The following PLCL2 variants were observed in gnomAD, a reference collection of about 807,000 sequenced individuals.
PLCL2 encodes the protein inactive phospholipase C-like protein 2.
PLCL2 carries 4 observed loss-of-function variants against 79.6 expected under a neutral mutation model. The ratio of observed to expected loss-of-function variants is 0.05; its 90% confidence interval spans 0.02 to 0.11. The LOEUF is 0.11. Among genes scored for constraint, PLCL2 ranks in the 10% least tolerant of loss-of-function variants. The pLI is 1.00. For synonymous variants in PLCL2, 484 were observed against 457.7 expected (o/e 1.06, Z -0.73); for missense variants, 895 against 1,291.0 (o/e 0.69, Z 4.70).
Position 17,010,350 on chromosome 3 carries a change from T to A in PLCL2, c.1004T>A (p.Phe335Tyr). 1 of 1,614,110 alleles carries A rather than the reference T, an allele frequency of 6.2e-7. No individual in the cohort carries two copies. The highest frequency in any genetic ancestry group is 8.5e-7 in the Non-Finnish European group (1 of 1,180,022). Residue 335 changes from phenylalanine to tyrosine, a missense_variant, in exon 2 of 6, where the codon TTT (phenylalanine) becomes TAT (tyrosine). By Grantham distance (22) the Phe-to-Tyr change is conservative. This residue lies in a region of PLCL2 where 93 missense variants were observed against 93.2 expected (regional missense o/e 1.00). Coordinates refer to ENST00000615277, the MANE Select transcript of PLCL2 (RefSeq NM_001144382.2). The surrounding 1 kb of genome is among the most constrained non-coding windows in gnomAD (Gnocchi z 5.8). ...ACAAAGGAAGAATTTATTGAGGTTT[T>A]TCATGAGCTTTGTACTAGACCTGAA... is the stretch of plus-strand genomic sequence containing the variant. ...EVTKEEFIEV[F>Y]HELCTRPEIY...
At chr3:16,897,715 A>G (rs1166178003) in intron 1 of PLCL2, among the ~76,000 whole-genome samples, 1 of 152,214 alleles carries the variant, frequency 6.6e-6, no homozygotes, top group African/African-American at 2.4e-5. Flanking sequence ...GTGGGCTGAC[A>G]TCTGGGTTGG....
chr3:16,899,466 C>T (rs1326044473), intron 1 of PLCL2, among the ~76,000 whole-genome samples: 1 of 152,154 alleles, frequency 6.6e-6, no homozygotes, highest in African/African-American at 2.4e-5. Context: ...GAGACCTGGA[C>T]ACTAGTTGGG....
intron 1 of PLCL2, among the ~76,000 whole-genome samples, chr3:16,910,255 G>T (rs537738916): frequency 1.3e-5 from 2 of 152,100 alleles, no homozygotes; most frequent in East Asian, 3.9e-4. Context: ...TCAATTCCTT[G>T]CTCCTGTTTT....
At chr3:16,912,937 T>TC (rs1235848505) in intron 1 of PLCL2, among the ~76,000 whole-genome samples, 1 of 152,162 alleles carries the variant, frequency 6.6e-6, no homozygotes, top group Non-Finnish European at 1.5e-5. Flanking sequence ...GGCTCCTGTC[T>TC]CCAACACATG....
At chr3:16,945,681 C>T (rs1306831203) in intron 1 of PLCL2, among the ~76,000 whole-genome samples, 2 of 152,156 alleles carry the variant, frequency 1.3e-5, no homozygotes, top group African/African-American at 4.8e-5. Context: ...CAGTGGCATA[C>T]TCTATATAGG....
At chr3:16,898,311 T>C (rs946571774) in intron 1 of PLCL2, among the ~76,000 whole-genome samples, 1 of 152,174 alleles carries the variant, frequency 6.6e-6, no homozygotes, top group Admixed American at 6.5e-5. Context: ...AGCCTTTTTT[T>C]TTTGGAACAT....
chr3:16,966,006 T>G (rs1348052188), intron 1 of PLCL2, among the ~76,000 whole-genome samples: 7 of 152,162 alleles, frequency 4.6e-5, no homozygotes, highest in South Asian at 2.1e-4. Context: ...GAATACCCTT[T>G]ATTTCTTTCT....
chr3:16,924,497 A>T (rs549080162), intron 1 of PLCL2, among the ~76,000 whole-genome samples: 1 of 152,184 alleles, frequency 6.6e-6, no homozygotes, highest in African/African-American at 2.4e-5. Flanking sequence ...TTAATACTGA[A>T]CCAGCAGTTT....
Position 17,012,173 on chromosome 3 carries a change from G to A in PLCL2, c.2814+13G>A. On this transcript the variant is annotated intron_variant, in intron 2 of 5. Transcript: ENST00000615277. ...AGAAAACATGCAGGTGCGTGCTTGT[G>A]TTTAATCATTTACTCAATGGTTTTC... 3 of 1,593,604 alleles carry A rather than the reference G, an allele frequency of 1.9e-6. No homozygotes were observed. Among genetic ancestry groups the A allele is most frequent in the Non-Finnish European group, 2.6e-6 (3 of 1,168,768 alleles).
At chr3:16,911,054 A>C (rs1346947308) in intron 1 of PLCL2, among the ~76,000 whole-genome samples, 1 of 152,130 alleles carries the variant, frequency 6.6e-6, no homozygotes, top group Non-Finnish European at 1.5e-5. Flanking sequence ...GGAGTTCGAG[A>C]CCAACCTGGC....
intron 1 of PLCL2, among the ~76,000 whole-genome samples, chr3:16,937,726 T>C (rs904022154): frequency 6.6e-6 from 1 of 152,226 alleles, no homozygotes; most frequent in Non-Finnish European, 1.5e-5. Flanking sequence ...GACTAGAAAT[T>C]AGTGGTGTGT....
intron 4 of PLCL2, among the ~76,000 whole-genome samples, chr3:17,059,450 G>GTGTCTATATATATATACACT (rs149375146): frequency 6.8e-6 from 1 of 147,146 alleles, no homozygotes; most frequent in African/African-American, 2.5e-5. Flanking sequence ...ATGTGTGTGT[G>GTGTCTATATATATATACACT]TGTATATATA....
intron 4 of PLCL2, among the ~76,000 whole-genome samples, chr3:17,045,205 T>C (rs1215670052): frequency 6.6e-6 from 1 of 152,218 alleles, no homozygotes; most frequent in East Asian, 1.9e-4. Flanking sequence ...GTTATTCTGC[T>C]TGCCAACAGA....
At chr3:17,013,628 G>A (rs1391846692) in intron 2 of PLCL2, among the ~76,000 whole-genome samples, 1 of 152,168 alleles carries the variant, frequency 6.6e-6, no homozygotes, top group East Asian at 1.9e-4. Context: ...AAAATGAAAT[G>A]TTTAAATTTA....
At chr3:17,061,988 C>T (rs533436285) in intron 4 of PLCL2, among the ~76,000 whole-genome samples, 40 of 152,226 alleles carry the variant, frequency 2.6e-4, no homozygotes, top group Admixed American at 5.9e-4. Context: ...AAAGAAATTG[C>T]GGCAGGTTTC....
intron 3 of PLCL2, among the ~76,000 whole-genome samples, chr3:17,023,669 C>T (rs2064480305): frequency 6.6e-6 from 1 of 152,164 alleles, no homozygotes; most frequent in Non-Finnish European, 1.5e-5. Flanking sequence ...TCTTTATCAG[C>T]AGCATGAAAA....
chr3:16,969,491 T>G (rs994010499), intron 1 of PLCL2, among the ~76,000 whole-genome samples: 14 of 152,140 alleles, frequency 9.2e-5, no homozygotes, highest in African/African-American at 3.1e-4. Context: ...TTCCAGGAAT[T>G]TATCCATTTC....
chr3:16,979,057 T>C (rs996682858), intron 1 of PLCL2, among the ~76,000 whole-genome samples: 4 of 152,210 alleles, frequency 2.6e-5, no homozygotes, highest in Admixed American at 6.5e-5. Context: ...TGTTGCCTTA[T>C]TGACTTTTGG....
chr3:16,939,248 C>G (rs1697617896), intron 1 of PLCL2, among the ~76,000 whole-genome samples: 1 of 152,142 alleles, frequency 6.6e-6, no homozygotes, highest in African/African-American at 2.4e-5. Context: ...AGTGTTTAGT[C>G]TTCTAGAGTT....
Sources: allele counts gnomAD v4.1 joint callset (sites outside exome capture counted in the v4.1 genomes callset), GRCh38; gene constraint gnomAD v4.1.1; regional missense constraint gnomAD v4.1.1; non-coding constraint Gnocchi (gnomAD v3.1); transcripts MANE v1.5; gene names NCBI Gene and HGNC (gene_info 2026-07-23, HGNC 2026-07-21).